PLPPR1: variants seen among roughly 807,000 people sequenced by gnomAD.
PLPPR1 encodes phospholipid phosphatase-related protein type 1.
Under a neutral mutation model 33.1 loss-of-function variants are expected in PLPPR1, and 10 were observed. The observed-to-expected ratio is 0.30, with a 90% confidence interval of 0.19 to 0.51. PLPPR1 has a LOEUF of 0.51. PLPPR1 is among the 20% of genes least tolerant of loss of function. The probability of loss-of-function intolerance (pLI) is 0.97; values close to 1 mark genes in which losing one functional copy is unlikely to be tolerated. For missense variants in PLPPR1, 304 were observed against 408.1 expected (o/e 0.74, Z 2.20); for synonymous variants, 151 against 151.0 (o/e 1.00, Z 0.00).
At chr9:101,161,698 G>T (rs1831775202) in intron 1 of PLPPR1, among the ~76,000 whole-genome samples, 1 of 152,032 alleles carries the variant, frequency 6.6e-6, no homozygotes, top group Admixed American at 6.6e-5. Flanking sequence ...AGACAAAAGA[G>T]TGTCTTATAA....
chr9:101,252,976 G>A (rs1176412560), intron 2 of PLPPR1, among the ~76,000 whole-genome samples: 1 of 151,984 alleles, frequency 6.6e-6, no homozygotes, highest in Non-Finnish European at 1.5e-5. Context: ...CTCATGATGA[G>A]AAAATAATTC....
At chr9:101,224,026 T>C (rs1393271874) in intron 2 of PLPPR1, among the ~76,000 whole-genome samples, 5 of 152,168 alleles carry the variant, frequency 3.3e-5, no homozygotes, top group Non-Finnish European at 7.3e-5. Context: ...TTATAACATA[T>C]GGCTTGATAT....
chr9:101,043,829 G>T (rs1262544822), intron 1 of PLPPR1, among the ~76,000 whole-genome samples: 1 of 151,754 alleles, frequency 6.6e-6, no homozygotes, highest in African/African-American at 2.4e-5. Context: ...ATTATTTTTT[G>T]ATAATGGCCA....
chr9:101,275,798 G>A (rs529292659), intron 3 of PLPPR1, among the ~76,000 whole-genome samples: 1 of 152,282 alleles, frequency 6.6e-6, no homozygotes, highest in Non-Finnish European at 1.5e-5. Flanking sequence ...TAGTATTGAA[G>A]TAGCAGAACA....
chr9:101,142,625 A>G (rs1422428306), intron 1 of PLPPR1, among the ~76,000 whole-genome samples: 1 of 152,200 alleles, frequency 6.6e-6, no homozygotes, highest in Non-Finnish European at 1.5e-5. Flanking sequence ...TCACCCAGAT[A>G]AGAATTCAGG....
At chr9:101,203,607 G>A (rs1826530737) in intron 2 of PLPPR1, among the ~76,000 whole-genome samples, 1 of 145,896 alleles carries the variant, frequency 6.9e-6, no homozygotes, top group Non-Finnish European at 1.5e-5. Context: ...TGTGGATCTA[G>A]TAGAAATTGG....
At chr9:101,232,625 G>T (rs1827214235) in intron 2 of PLPPR1, among the ~76,000 whole-genome samples, 1 of 151,908 alleles carries the variant, frequency 6.6e-6, no homozygotes, top group African/African-American at 2.4e-5. Context: ...GCTCAGCACT[G>T]ATTCACATAT....
At chr9:101,164,359 T>C (rs1825817985) in intron 1 of PLPPR1, among the ~76,000 whole-genome samples, 1 of 125,366 alleles carries the variant, frequency 8.0e-6, no homozygotes, top group South Asian at 2.6e-4. Flanking sequence ...TATTTTCTTT[T>C]CTTTTCTTTT....
chr9:101,173,097 T>G (rs1825968665), intron 1 of PLPPR1, among the ~76,000 whole-genome samples: 1 of 152,076 alleles, frequency 6.6e-6, no homozygotes, highest in South Asian at 2.1e-4. Context: ...TAAAGAATAA[T>G]CTACATCTAA....
chr9:101,070,615 T>C (rs632924), intron 1 of PLPPR1, among the ~76,000 whole-genome samples: 115,569 of 151,906 alleles, frequency 0.76, 44,585 homozygotes, highest in African/African-American at 0.9. Flanking sequence ...TATCTTCCAC[T>C]CGAAGTGATA....
chr9:101,061,788 T>C lies in PLPPR1; in HGVS notation c.-46+32686T>C, dbSNP rs980434879. Among the ~76,000 whole-genome samples, 3 of 152,000 alleles carry C rather than the reference T, an allele frequency of 2.0e-5. 1 individual carries two copies. The highest frequency in any genetic ancestry group is 1.3e-4 in the Admixed American group (2 of 15,234). On this transcript the variant is annotated intron_variant, in intron 1 of 7. Transcript: ENST00000374874. Reference sequence around the variant, plus strand: ...CATAGCAGATACAGGTTAATATTTATGGAATAAATGAACAAATAATTGGTC... The same window carrying C: ...CATAGCAGATACAGGTTAATATTTACGGAATAAATGAACAAATAATTGGTC...
intron 1 of PLPPR1, among the ~76,000 whole-genome samples, chr9:101,109,973 C>G (rs1251202596): frequency 6.6e-6 from 1 of 152,098 alleles, no homozygotes; most frequent in Non-Finnish European, 1.5e-5. Context: ...TGCTTCTGTT[C>G]AATAATTTCC....
At chr9:101,242,769 T>G (rs911830143) in intron 2 of PLPPR1, among the ~76,000 whole-genome samples, 3 of 152,054 alleles carry the variant, frequency 2.0e-5, no homozygotes, top group African/African-American at 7.2e-5. Context: ...GAAACATTAA[T>G]TAAGTGCTCA....
chr9:101,134,473 C>G (rs928641884), intron 1 of PLPPR1, among the ~76,000 whole-genome samples: 5 of 151,800 alleles, frequency 3.3e-5, no homozygotes, highest in African/African-American at 1.2e-4. Flanking sequence ...ACCTCTGCCT[C>G]CTGGGCTCAA....
intron 1 of PLPPR1, among the ~76,000 whole-genome samples, chr9:101,154,159 G>A (rs1402321751): frequency 2.6e-5 from 4 of 152,114 alleles, no homozygotes; most frequent in Admixed American, 6.5e-5. Flanking sequence ...AGGGATATTG[G>A]TCTAAAATTC....
chr9:101,044,949 C>A (rs189916936), intron 1 of PLPPR1, among the ~76,000 whole-genome samples: 11 of 152,082 alleles, frequency 7.2e-5, no homozygotes, highest in African/African-American at 2.4e-4. Flanking sequence ...CTGAGATTAC[C>A]CAGAGGAGTT....
chr9:101,047,192 T>TATTA (rs1830162997), intron 1 of PLPPR1, among the ~76,000 whole-genome samples: 1 of 152,226 alleles, frequency 6.6e-6, no homozygotes, highest in Non-Finnish European at 1.5e-5. Context: ...ACTCTGAGAT[T>TATTA]CCCCTCCTCT....
At chr9:101,109,535 G>A (rs1158792545) in intron 1 of PLPPR1, among the ~76,000 whole-genome samples, 1 of 152,104 alleles carries the variant, frequency 6.6e-6, no homozygotes. Context: ...CACAATCATA[G>A]CTACACAGGA....
At chr9:101,056,425 T>TAA (rs112325121) in intron 1 of PLPPR1, among the ~76,000 whole-genome samples, 1 of 150,410 alleles carries the variant, frequency 6.6e-6, no homozygotes, top group African/African-American at 2.4e-5. Flanking sequence ...TTTAGGTAAT[T>TAA]AAAAAAAAAA....
Sources: gnomAD v4.1 joint callset for allele counts (sites outside exome capture counted in the v4.1 genomes callset) on GRCh38, gnomAD v4.1.1 for gene constraint, MANE v1.5 for transcripts, NCBI Gene and HGNC (gene_info 2026-07-23, HGNC 2026-07-21) for gene names.